Variants in HIBCH observed in about 807,000 individuals in gnomAD.
HIBCH encodes the protein 3-hydroxyisobutyryl-CoA hydrolase, mitochondrial.
A neutral mutation model predicts 58.2 loss-of-function variants in HIBCH; 50 were observed. The observed-to-expected ratio is 0.86, with a 90% confidence interval of 0.68 to 1.09. The LOEUF is 1.09. Among genes scored for constraint, HIBCH ranks in the 50% least tolerant of loss-of-function variants. The pLI, the probability that HIBCH is intolerant of heterozygous loss-of-function variation, is 0.00. For missense variants in HIBCH, 450 were observed against 449.7 expected, an observed-to-expected ratio of 1.00 and a Z score of -0.01; for synonymous variants, 151 against 146.9, an observed-to-expected ratio of 1.03 and a Z score of -0.20.
intron 11 of HIBCH, among the ~76,000 whole-genome samples, chr2:190,239,196 C>A (rs1686376101): frequency 6.6e-6 from 1 of 152,134 alleles, no homozygotes; most frequent in South Asian, 2.1e-4. Flanking sequence ...AGCCAAGTTT[C>A]CCAACAACAT....
intron 11 of HIBCH, among the ~76,000 whole-genome samples, chr2:190,226,644 G>C (rs1351811158): frequency 2.8e-5 from 4 of 144,518 alleles, no homozygotes; most frequent in Admixed American, 7.0e-5. Context: ...AATTGTCCCT[G>C]TTTGCAGATG....
intron 2 of HIBCH, among the ~76,000 whole-genome samples, chr2:190,307,538 T>C (rs291441): frequency 0.72 from 109,987 of 151,942 alleles, 40,291 homozygotes; most frequent in South Asian, 0.75. Context: ...GGGTTGGGGT[T>C]CATACCTGCA....
At chr2:190,286,405 C>CT (rs1437842707) in intron 6 of HIBCH, among the ~76,000 whole-genome samples, 7 of 152,138 alleles carry the variant, frequency 4.6e-5, no homozygotes, top group African/African-American at 1.7e-4. Flanking sequence ...TCATGTAAAA[C>CT]TTTGATTAAA....
chr2:190,288,564 T>C (rs1436437334), intron 5 of HIBCH, among the ~76,000 whole-genome samples: 1 of 151,484 alleles, frequency 6.6e-6, no homozygotes, highest in Non-Finnish European at 1.5e-5. Flanking sequence ...AGATAATTAA[T>C]GTGGGATATA....
rs1441008945 is a variant in HIBCH, at chr2:190,309,063, A to C, written c.78+1691T>G. The stretch of plus-strand genomic sequence containing the variant: ...AGATTTTGGAAAATAGTACATACTA[A>C]ATACTTCATAAAACACCCCAAGAGA... On this transcript the variant is annotated intron_variant, in intron 2 of 13. Coordinates refer to ENST00000359678, the MANE Select transcript of HIBCH (RefSeq NM_014362.4). 2.6e-5 allele frequency among the ~76,000 whole-genome samples: 4 copies of C among 152,324 alleles called. No individual in the cohort carries two copies. In the South Asian group the frequency reaches 8.3e-4, roughly 32 times the overall value.
intron 1 of HIBCH, 148 bp from the exon 2 acceptor site, chr2:190,310,944 G>A: frequency 1.4e-6 from 1 of 713,142 alleles, no homozygotes; most frequent in South Asian, 1.5e-5. Flanking sequence ...ATTCACTGCT[G>A]GTAGGAACAT....
At chr2:190,270,778 C>G (rs1041877348) in intron 6 of HIBCH, among the ~76,000 whole-genome samples, 3 of 152,092 alleles carry the variant, frequency 2.0e-5, no homozygotes, top group African/African-American at 7.2e-5. Context: ...AACAGAACAG[C>G]AGGCTGCAAA....
chr2:190,287,684 A>T, intron 5 of HIBCH, 46 bp from the exon 6 acceptor site: 2 of 1,398,260 alleles, frequency 1.4e-6, no homozygotes. Context: ...TTTAAAATAC[A>T]TTCCCTTTTT....
chr2:190,312,633 TTA>T (rs1688590388), intron 1 of HIBCH, among the ~76,000 whole-genome samples: 1 of 152,236 alleles, frequency 6.6e-6, no homozygotes, highest in Non-Finnish European at 1.5e-5. Context: ...CTTTCAGAAT[TTA>T]TATGACTTTT....
intron 7 of HIBCH, among the ~76,000 whole-genome samples, chr2:190,260,079 A>G (rs574528375): frequency 4.5e-4 from 68 of 152,346 alleles, no homozygotes; most frequent in Non-Finnish European, 7.6e-4. Flanking sequence ...AGGGCAAGAG[A>G]AAGAAATAAA....
intron 11 of HIBCH, among the ~76,000 whole-genome samples, chr2:190,227,861 C>T (rs963991959): frequency 1.3e-5 from 2 of 152,178 alleles, no homozygotes; most frequent in African/African-American, 4.8e-5. Context: ...GAGATACCAA[C>T]TCATACCAGT....
chr2:190,293,731 G>A (rs973312899), intron 4 of HIBCH, among the ~76,000 whole-genome samples: 1 of 151,128 alleles, frequency 6.6e-6, no homozygotes, highest in East Asian at 1.9e-4. Context: ...AAAACACAAA[G>A]AAAAAAACCA....
chr2:190,291,707 A>T (rs527938278), intron 4 of HIBCH, among the ~76,000 whole-genome samples: 1 of 152,328 alleles, frequency 6.6e-6, no homozygotes, highest in East Asian at 1.9e-4. Context: ...CTGAATAGTG[A>T]ACACTATCAA....
Position 190,210,351 on chromosome 2 carries a change from T to A in HIBCH, c.1012-1438A>T, listed in dbSNP as rs1690488772. ...CCTCCTCCCCGAAACATTCCTCACT[T>A]TCTTTTGTGACACTACACTCTCCTG... On this transcript the variant is annotated intron_variant, in intron 12 of 13. Coordinates refer to ENST00000359678, the MANE Select transcript of HIBCH (RefSeq NM_014362.4). This position sits in a 1 kb window ranked among gnomAD's most constrained non-coding sequence, Gnocchi z 5.5. Among the ~76,000 whole-genome samples, 1 of 152,174 alleles carries A rather than the reference T, an allele frequency of 6.6e-6. No homozygotes were observed. The highest frequency in any genetic ancestry group is 2.4e-5 in the African/African-American group (1 of 41,450).
intron 11 of HIBCH, chr2:190,213,456 G>GC: frequency 4.3e-6 from 1 of 231,386 alleles, no homozygotes. Flanking sequence ...CCGGGACAAA[G>GC]TGTCTTGAAT....
chr2:190,238,154 T>C (rs150960852), intron 11 of HIBCH, among the ~76,000 whole-genome samples: 3,585 of 152,280 alleles, frequency 0.024, 66 homozygotes, highest in Non-Finnish European at 0.039. Context: ...GTCTTTACAG[T>C]AGAATGATTT....
At chr2:190,263,854 A>G (rs1687159682) in intron 6 of HIBCH, among the ~76,000 whole-genome samples, 1 of 151,330 alleles carries the variant, frequency 6.6e-6, no homozygotes. Flanking sequence ...TTAAAAATAT[A>G]TCCTGGACTG....
chr2:190,300,206 T>C (rs1236261738), intron 2 of HIBCH, among the ~76,000 whole-genome samples: 1 of 152,258 alleles, frequency 6.6e-6, no homozygotes, highest in African/African-American at 2.4e-5. Flanking sequence ...CTGGGTCGAA[T>C]GACAGTTCTG....
chr2:190,213,938 A>G (rs990614068), intron 11 of HIBCH: 1 of 152,226 alleles, frequency 6.6e-6, no homozygotes, highest in Non-Finnish European at 1.5e-5. Context: ...GACCGTCATT[A>G]AAAGTCTCGC....
Sources: gnomAD v4.1 joint callset for allele counts (sites outside exome capture counted in the v4.1 genomes callset) on GRCh38, gnomAD v4.1.1 for gene constraint, Gnocchi (gnomAD v3.1) non-coding constraint, MANE v1.5 for transcripts, NCBI Gene and HGNC (gene_info 2026-07-23, HGNC 2026-07-21) for gene names.